The following MALRD1 variants were observed in gnomAD, a reference collection of about 807,000 sequenced individuals.
MALRD1 encodes the protein MAM and LDL receptor class A domain containing 1, also known as MAM and LDL-receptor class A domain-containing protein 1.
Under a neutral mutation model 242.1 loss-of-function variants are expected in MALRD1, and 247 were observed. That is an observed-to-expected ratio of 1.02 (90% confidence interval 0.92 to 1.13). MALRD1 has a LOEUF of 1.13. Among genes scored for constraint, MALRD1 ranks in the 50% most tolerant of loss-of-function variants. The pLI is 0.00. For missense variants in MALRD1, 2,989 were observed against 2,533.1 expected (o/e 1.18, Z -3.86); for synonymous variants, 995 against 866.6 (o/e 1.15, Z -2.60).
Position 19,682,625 on chromosome 10 carries a change from C to A in MALRD1, c.6138-9657C>A, listed in dbSNP as rs148010978. Among the ~76,000 whole-genome samples, 740 of 152,220 alleles carry A rather than the reference C, an allele frequency of 4.9e-3. 2 individuals are homozygous for A. The highest frequency in any genetic ancestry group is 7.6e-3 in the Non-Finnish European group (518 of 68,010). ...AAGAAATTAGTCCAAGCAAATTAAT[C>A]GCTGCTACTCAATGTGGAATTTTAG... On this transcript the variant is annotated intron_variant, in intron 36 of 39. Transcript: ENST00000454679.
At chr10:19,206,727 A>T (rs1836803766) in intron 17 of MALRD1, among the ~76,000 whole-genome samples, 2 of 152,190 alleles carry the variant, frequency 1.3e-5, no homozygotes, top group Admixed American at 1.3e-4. Context: ...ATATTGAGAG[A>T]TGCGGTCTTT....
chr10:19,120,813 C>T (rs1414395354), intron 5 of MALRD1, among the ~76,000 whole-genome samples: 1 of 152,198 alleles, frequency 6.6e-6, no homozygotes, highest in African/African-American at 2.4e-5. Flanking sequence ...GGCACGATCT[C>T]AGTTCACTGC....
intron 14 of MALRD1, among the ~76,000 whole-genome samples, chr10:19,196,520 T>G (rs1196071186): frequency 2.8e-5 from 4 of 142,858 alleles, no homozygotes; most frequent in African/African-American, 1.0e-4. Context: ...TCTCATGGCA[T>G]GGGGCACCAC....
At chr10:19,233,593 A>G (rs183094894) in intron 18 of MALRD1, among the ~76,000 whole-genome samples, 42 of 151,418 alleles carry the variant, frequency 2.8e-4, no homozygotes, top group Non-Finnish European at 5.5e-4. Context: ...TTTTCAAAGA[A>G]AAAAAAAAGT....
At chr10:19,384,703 T>C (rs1227435664) in intron 26 of MALRD1, among the ~76,000 whole-genome samples, 1 of 139,848 alleles carries the variant, frequency 7.2e-6, no homozygotes, top group African/African-American at 2.6e-5. Flanking sequence ...AAAATTATAC[T>C]ATATAATATA....
At chr10:19,349,983 G>A (rs1325973136) in intron 25 of MALRD1, among the ~76,000 whole-genome samples, 2 of 152,060 alleles carry the variant, frequency 1.3e-5, no homozygotes, top group Non-Finnish European at 2.9e-5. Context: ...AAAAATTAAT[G>A]ATGAATGGTT....
intron 35 of MALRD1, among the ~76,000 whole-genome samples, chr10:19,611,811 A>G (rs1838912266): frequency 6.6e-6 from 1 of 152,046 alleles, no homozygotes; most frequent in South Asian, 2.1e-4. Flanking sequence ...ACCTGGGTCT[A>G]AAGTAGAAAC....
At chr10:19,700,972 A>T (rs1046998656) in intron 38 of MALRD1, among the ~76,000 whole-genome samples, 10 of 151,876 alleles carry the variant, frequency 6.6e-5, no homozygotes, top group Non-Finnish European at 1.5e-4. Flanking sequence ...ACATAGCAAA[A>T]CCCCACCTCT....
chr10:19,290,200 C>T (rs1341667846), intron 21 of MALRD1: 1 of 152,120 alleles, frequency 6.6e-6, no homozygotes, highest in Admixed American at 6.6e-5. Context: ...ATCCTTGGTA[C>T]ATCAGAAGTG....
At chr10:19,477,410 C>T (rs902488618) in intron 29 of MALRD1, among the ~76,000 whole-genome samples, 1 of 151,872 alleles carries the variant, frequency 6.6e-6, no homozygotes, top group African/African-American at 2.4e-5. Context: ...GAAATAAGGC[C>T]TGTTAGCTCT....
At chr10:19,417,086 A>G (rs919540614) in intron 28 of MALRD1, among the ~76,000 whole-genome samples, 1 of 152,016 alleles carries the variant, frequency 6.6e-6, no homozygotes, top group Non-Finnish European at 1.5e-5. Context: ...TTTTCCTCCC[A>G]CTTTCCCAGC....
At chr10:19,687,709 T>C (rs2131810937) in intron 36 of MALRD1, among the ~76,000 whole-genome samples, 1 of 152,296 alleles carries the variant, frequency 6.6e-6, no homozygotes, top group Non-Finnish European at 1.5e-5. Context: ...GATTTACTAT[T>C]GAGAAAGTTG....
intron 31 of MALRD1, among the ~76,000 whole-genome samples, chr10:19,526,256 G>C (rs1338646221): frequency 6.6e-6 from 1 of 151,620 alleles, no homozygotes; most frequent in Non-Finnish European, 1.5e-5. Flanking sequence ...TTCAATGTAA[G>C]GTGTTATAAC....
chr10:19,429,418 G>A (rs1052965722), intron 28 of MALRD1, among the ~76,000 whole-genome samples: 3 of 152,054 alleles, frequency 2.0e-5, no homozygotes, highest in African/African-American at 7.2e-5. Flanking sequence ...ACAAAAATGA[G>A]CCGGGCGTGG....
chr10:19,297,146 G>A (rs971206996), intron 21 of MALRD1, among the ~76,000 whole-genome samples: 5 of 150,578 alleles, frequency 3.3e-5, no homozygotes, highest in African/African-American at 1.2e-4. Flanking sequence ...ATATTGTACT[G>A]TATTTCATGT....
intron 26 of MALRD1, among the ~76,000 whole-genome samples, chr10:19,353,232 C>T (rs1369418477): frequency 1.3e-5 from 2 of 152,094 alleles, no homozygotes; most frequent in African/African-American, 4.8e-5. Context: ...GTCTCAGACT[C>T]TGGGGCTCAA....
At chr10:19,173,877 C>G (rs1475796143) in intron 13 of MALRD1, among the ~76,000 whole-genome samples, 1 of 152,138 alleles carries the variant, frequency 6.6e-6, no homozygotes, top group Non-Finnish European at 1.5e-5. Context: ...GTGAATGTAT[C>G]ATACGAAGTG....
At chr10:19,508,281 A>C (rs1269995133) in intron 31 of MALRD1, among the ~76,000 whole-genome samples, 1 of 152,182 alleles carries the variant, frequency 6.6e-6, no homozygotes. Flanking sequence ...GTGAAATTTC[A>C]GAATGATTTA....
chr10:19,617,559 C>T (rs7070808), intron 36 of MALRD1, among the ~76,000 whole-genome samples: 85,861 of 151,710 alleles, frequency 0.57, 24,593 homozygotes, highest in African/African-American at 0.66. Flanking sequence ...TTTAAAATTA[C>T]GTACTAAAAA....
Sources: gnomAD v4.1 joint callset for allele counts (sites outside exome capture counted in the v4.1 genomes callset) on GRCh38, gnomAD v4.1.1 for gene constraint, MANE v1.5 for transcripts, NCBI Gene and HGNC (gene_info 2026-07-23, HGNC 2026-07-21) for gene names.